GRIN2B: variants seen among roughly 807,000 people sequenced by gnomAD.
GRIN2B encodes glutamate receptor ionotropic, NMDA 2B.
A neutral mutation model predicts 114.5 loss-of-function variants in GRIN2B; 5 were observed. The observed-to-expected ratio is 0.04, with a 90% CI of 0.02 to 0.09. The LOEUF is 0.09. Ranked by LOEUF, GRIN2B falls within the 10% of genes least tolerant of loss-of-function variation. GRIN2B has a pLI of 1.00. For missense variants in GRIN2B, 1,108 were observed against 1,943.5 expected (o/e 0.57, Z 8.08); for synonymous variants, 787 against 745.1 (o/e 1.06, Z -0.92).
chr12:13,611,284 G>T (rs1949362763), intron 9 of GRIN2B, among the ~76,000 whole-genome samples: 1 of 152,196 alleles, frequency 6.6e-6, no homozygotes, highest in Non-Finnish European at 1.5e-5. Flanking sequence ...TGATCCTTTG[G>T]CACTGGGGAA....
Position 13,692,760 on chromosome 12 carries a change from C to CTTTCTTTTTTTTTTTTTTTTT in GRIN2B, c.1011-16902_1011-16901insAAAAAAAAAAAAAAAAAGAAA, listed in dbSNP as rs1427827056. The stretch of plus-strand genomic sequence containing the variant: ...ACTTATTTTCATTAATCTTTCTTTT[C>CTTTCTTTTTTTTTTTTTTTTT]TTTTTTTTTTTTTTTTTTTTTTTTT... On this transcript the variant is annotated intron_variant, in intron 4 of 13. Coordinates refer to ENST00000609686, the MANE Select transcript of GRIN2B (RefSeq NM_000834.5). Among the ~76,000 whole-genome samples, 270 of 51,970 alleles carry CTTTCTTTTTTTTTTTTTTTTT rather than the reference C, an allele frequency of 5.2e-3. 37 individuals are homozygous for CTTTCTTTTTTTTTTTTTTTTT. Among genetic ancestry groups the CTTTCTTTTTTTTTTTTTTTTT allele is most frequent in the Non-Finnish European group, 6.6e-3 (181 of 27,446 alleles). 34.1% of individuals were successfully genotyped at this position (51,970 alleles called of 152,430 possible). A position where few individuals can be genotyped will look rare whatever the true frequency, so the allele number is the denominator to read the frequency against.
intron 12 of GRIN2B, among the ~76,000 whole-genome samples, chr12:13,568,860 T>C (rs981379821): frequency 7.9e-5 from 12 of 152,166 alleles, no homozygotes; most frequent in Admixed American, 7.9e-4. Flanking sequence ...CTCAAGTTGG[T>C]GGTTCAGTCT....
rs1865820376 is a variant in GRIN2B, at chr12:13,865,963, G to A, written c.246C>T (p.Ile82=). 2.5e-6 allele frequency: 4 copies of A among 1,614,068 alleles called. No homozygotes were observed. Among genetic ancestry groups the A allele is most frequent in the Non-Finnish European group, 3.4e-6 (4 of 1,179,980 alleles). ...CAGACATGAGATCACAGATGCGGGTGATGATGCTCTTTGGGTCGGTCTCAT... is the reference window on the plus strand; with the variant it reads ...CAGACATGAGATCACAGATGCGGGTAATGATGCTCTTTGGGTCGGTCTCAT... ...AMNETDPKSI[I]TRICDLMSDR... is the part of the protein sequence containing the mutation. Residue 82 remains isoleucine, a synonymous_variant, in exon 3 of 14, where the codon ATC becomes ATT. Transcript: ENST00000609686.
intron 5 of GRIN2B, among the ~76,000 whole-genome samples, chr12:13,669,800 A>G (rs2136535116): frequency 6.6e-6 from 1 of 152,236 alleles, no homozygotes; most frequent in South Asian, 2.1e-4. Flanking sequence ...TTCAAGTAAT[A>G]TCAATAGAGG....
At chr12:13,713,127 G>T (rs940471731) in intron 4 of GRIN2B, among the ~76,000 whole-genome samples, 5 of 151,790 alleles carry the variant, frequency 3.3e-5, no homozygotes, top group Admixed American at 2.6e-4. Context: ...CAATCAACAA[G>T]ACATGAAACA....
intron 3 of GRIN2B, among the ~76,000 whole-genome samples, chr12:13,785,817 CA>C (rs1864214255): frequency 6.6e-6 from 1 of 152,090 alleles, no homozygotes; most frequent in Non-Finnish European, 1.5e-5. Context: ...AATATATGGG[CA>C]ACTGAGACTC....
At chr12:13,583,367 T>A (rs570967527) in intron 10 of GRIN2B, among the ~76,000 whole-genome samples, 5 of 152,328 alleles carry the variant, frequency 3.3e-5, no homozygotes, top group African/African-American at 1.2e-4. Context: ...CATTATTATC[T>A]CCATTTAATG....
intron 8 of GRIN2B, among the ~76,000 whole-genome samples, chr12:13,612,429 G>A (rs953013584): frequency 6.6e-6 from 1 of 152,074 alleles, no homozygotes; most frequent in African/African-American, 2.4e-5. Flanking sequence ...TTGATGTATT[G>A]TATGTTATCA....
chr12:13,713,682 T>C (rs1007852825), intron 4 of GRIN2B, among the ~76,000 whole-genome samples: 2 of 151,726 alleles, frequency 1.3e-5, no homozygotes, highest in Non-Finnish European at 2.9e-5. Context: ...TTTGCCTGTT[T>C]TTTTTCTTGC....
At chr12:13,581,255 C>T (rs1948843721) in intron 10 of GRIN2B, among the ~76,000 whole-genome samples, 1 of 152,146 alleles carries the variant, frequency 6.6e-6, no homozygotes, top group African/African-American at 2.4e-5. Flanking sequence ...TCAGTTTTTC[C>T]AGGAACTATC....
At chr12:13,607,247 AAAT>A (rs1350795072) in intron 10 of GRIN2B, among the ~76,000 whole-genome samples, 3 of 88,976 alleles carry the variant, frequency 3.4e-5, no homozygotes, top group Non-Finnish European at 6.0e-5. Context: ...ATTATATAAA[AAAT>A]ATATATTATA....
At chr12:13,594,503 A>T (rs775959860) in intron 10 of GRIN2B, among the ~76,000 whole-genome samples, 2 of 151,498 alleles carry the variant, frequency 1.3e-5, no homozygotes, top group Admixed American at 6.6e-5. Flanking sequence ...GGAGGGGAAC[A>T]TCACACACTG....
intron 2 of GRIN2B, among the ~76,000 whole-genome samples, chr12:13,901,279 T>C (rs1186793491): frequency 6.6e-6 from 1 of 152,178 alleles, no homozygotes; most frequent in Non-Finnish European, 1.5e-5. Context: ...TTAGACATCT[T>C]CTTCTGGGAA....
At chr12:13,902,140 T>A (rs1866462449) in intron 2 of GRIN2B, among the ~76,000 whole-genome samples, 1 of 152,108 alleles carries the variant, frequency 6.6e-6, no homozygotes, top group African/African-American at 2.4e-5. Context: ...TGGAGCAATT[T>A]TAGTTAATGT....
chr12:13,940,719 G>A (rs1256089898), intron 2 of GRIN2B, among the ~76,000 whole-genome samples: 1 of 149,772 alleles, frequency 6.7e-6, no homozygotes, highest in Admixed American at 6.8e-5. Context: ...GGCCTGGCTG[G>A]TAGAAAAAAA....
intron 10 of GRIN2B, 22 bp downstream of exon 10, chr12:13,608,581 A>T (rs374098632): frequency 1.3e-6 from 2 of 1,522,012 alleles, no homozygotes; most frequent in Non-Finnish European, 1.8e-6. Flanking sequence ...GAAAGACGGG[A>T]GATTTCAAAT....
At chr12:13,851,343 C>T (rs1865562006) in intron 3 of GRIN2B, among the ~76,000 whole-genome samples, 1 of 151,920 alleles carries the variant, frequency 6.6e-6, no homozygotes, top group Non-Finnish European at 1.5e-5. Context: ...TTTCATTTTT[C>T]TCCAACTCTT....
chr12:13,841,150 A>G (rs554360496), intron 3 of GRIN2B, among the ~76,000 whole-genome samples: 9 of 152,304 alleles, frequency 5.9e-5, no homozygotes, highest in Admixed American at 2.0e-4. Flanking sequence ...GTTTTGTAAC[A>G]CTAAAGACAA....
At chr12:13,810,129 C>T (rs1864698054) in intron 3 of GRIN2B, among the ~76,000 whole-genome samples, 1 of 152,064 alleles carries the variant, frequency 6.6e-6, no homozygotes, top group South Asian at 2.1e-4. Context: ...TTAAATGAAA[C>T]CCCACCACCC....
Sources: gnomAD v4.1 joint callset for allele counts (sites outside exome capture counted in the v4.1 genomes callset) on GRCh38, gnomAD v4.1.1 for gene constraint, MANE v1.5 for transcripts, NCBI Gene and HGNC (gene_info 2026-07-23, HGNC 2026-07-21) for gene names.